ADRA1A: variants seen among roughly 807,000 people sequenced by gnomAD.
ADRA1A encodes the protein adrenoceptor alpha 1A, also known as alpha-1A adrenergic receptor.
In ADRA1A, 31 loss-of-function variants were observed where a neutral mutation model predicts 29.6. The observed-to-expected ratio is 1.05, with a 90% CI of 0.79 to 1.41. The LOEUF is 1.41. Ranked by LOEUF, ADRA1A falls within the 40% of genes most tolerant of loss-of-function variation. The pLI is 0.00. For synonymous variants in ADRA1A, 311 were observed against 254.3 expected (o/e 1.22, Z -2.12); for missense variants, 619 against 601.1 (o/e 1.03, Z -0.31).
chr8:26,766,247 G>T (rs1213567050), downstream of ADRA1A: 3 of 854,952 alleles, frequency 3.5e-6, no homozygotes, highest in Non-Finnish European at 5.8e-6. Context: ...CTTCCCAAAA[G>T]TGTTTCTATG....
rs1810341514 is a variant in ADRA1A, at chr8:26,823,636, C to T, written c.883+40451G>A. ...TTTGTGTCACCACCTATCTAAGTGG[C>T]ACCAGGAAGCCCACCTTCCTTTTTC... On this transcript the variant is annotated intron_variant, in intron 2 of 2. Coordinates refer to ENST00000380573, the MANE Select transcript of ADRA1A (RefSeq NM_000680.4). The surrounding 1 kb of genome is among the most constrained non-coding windows in gnomAD (Gnocchi z 4.2). Among the ~76,000 whole-genome samples, 1 of 152,138 alleles carries T rather than the reference C, an allele frequency of 6.6e-6. No homozygotes were observed.
At chr8:26,800,225 C>T (rs561198831) in intron 2 of ADRA1A, among the ~76,000 whole-genome samples, 1 of 152,134 alleles carries the variant, frequency 6.6e-6, no homozygotes, top group South Asian at 2.1e-4. Flanking sequence ...TGCCACTGCA[C>T]CCTAGCCTGG....
At chr8:26,819,976 G>T (rs1440850622) in intron 2 of ADRA1A, among the ~76,000 whole-genome samples, 1 of 152,010 alleles carries the variant, frequency 6.6e-6, no homozygotes, top group Admixed American at 6.6e-5. Flanking sequence ...AGACAAAATG[G>T]ACTTGAAGTA....
In ADRA1A at chr8:26,816,654, C is replaced by T. The variant is rs182781296; in HGVS notation, c.884-45988G>A. ...TGGCACCCAGACCAGAGCACCTGTGCGGTCACACAAACACTCGAGTGGACA... is the reference window on the plus strand; with the variant it reads ...TGGCACCCAGACCAGAGCACCTGTGTGGTCACACAAACACTCGAGTGGACA... On this transcript the variant is annotated intron_variant, in intron 2 of 2. Transcript: ENST00000380573. 2.8e-3 allele frequency among the ~76,000 whole-genome samples: 431 copies of T among 152,236 alleles called. 8 individuals carry two copies. Among genetic ancestry groups the T allele is most frequent in the Admixed American group, 0.024 (361 of 15,292 alleles).
At chr8:26,758,077 T>C (rs973005782) in intron 2 of ADRA1A, among the ~76,000 whole-genome samples, 11 of 152,184 alleles carry the variant, frequency 7.2e-5, no homozygotes, top group African/African-American at 2.7e-4. Flanking sequence ...GTTTGCCTGA[T>C]TTTTAAAAGC....
intron 2 of ADRA1A, among the ~76,000 whole-genome samples, chr8:26,830,104 C>T (rs1810866649): frequency 6.6e-6 from 1 of 152,174 alleles, no homozygotes; most frequent in African/African-American, 2.4e-5. Context: ...TCAGAACTGT[C>T]AATAACCCAG....
intron 2 of ADRA1A, among the ~76,000 whole-genome samples, chr8:26,790,341 G>A (rs1392463759): frequency 1.3e-5 from 2 of 152,130 alleles, no homozygotes; most frequent in Non-Finnish European, 2.9e-5. Context: ...TGTGTTAGGT[G>A]AAATAAGCCA....
At chr8:26,799,452 G>A (rs1253834344) in intron 2 of ADRA1A, among the ~76,000 whole-genome samples, 1 of 152,152 alleles carries the variant, frequency 6.6e-6, no homozygotes, top group African/African-American at 2.4e-5. Context: ...TCTGTGTGCT[G>A]GTTCTCAGTT....
At chr8:26,762,230 C>A (rs755531980), downstream of ADRA1A, among the ~76,000 whole-genome samples, 1 of 152,164 alleles carries the variant, frequency 6.6e-6, no homozygotes, top group East Asian at 1.9e-4. The surrounding 1 kb of genome is among the most constrained non-coding windows in gnomAD (Gnocchi z 4.0). Context: ...CTCTGACCAC[C>A]AGCTCTTTTC....
intron 2 of ADRA1A, among the ~76,000 whole-genome samples, chr8:26,809,380 G>A (rs61761843): frequency 4.4e-4 from 67 of 152,084 alleles, no homozygotes; most frequent in Non-Finnish European, 9.3e-4. Context: ...AACCACCGAG[G>A]CCCAAAAGAA....
At chr8:26,767,751 T>C (rs1805868871), downstream of ADRA1A, among the ~76,000 whole-genome samples, 1 of 152,152 alleles carries the variant, frequency 6.6e-6, no homozygotes, top group Non-Finnish European at 1.5e-5. Context: ...CATAATTTGT[T>C]GAAGAAAAAC....
In ADRA1A at chr8:26,769,506, T is replaced by A; in HGVS notation, c.*643A>T. ...ACACTACATTCCAAGACATCATGAG[T>A]GCCCCTCACTCTCATCTTTGGGAAA... On this transcript the variant is annotated 3_prime_UTR_variant, in exon 3 of 3. Coordinates refer to ENST00000380573, the MANE Select transcript of ADRA1A (RefSeq NM_000680.4). 1.0e-6 allele frequency: 1 copy of A among 985,412 alleles called. No homozygotes were observed. The highest frequency in any genetic ancestry group is 1.1e-4 in the East Asian group (1 of 8,812). 61.0% of individuals were successfully genotyped at this position (985,412 alleles called of 1,614,324 possible).
At chr8:26,861,968 C>T (rs1813506007) in intron 2 of ADRA1A, among the ~76,000 whole-genome samples, 1 of 152,146 alleles carries the variant, frequency 6.6e-6, no homozygotes. Context: ...TTCCCCCCAA[C>T]AACCAGAATG....
In ADRA1A at chr8:26,864,243, C is replaced by G; in HGVS notation, c.727G>C (p.Ala243Pro). The G allele has an allele frequency of 6.2e-7, 1 of 1,614,212 alleles. No homozygotes were observed. The highest frequency in any genetic ancestry group is 1.1e-5 in the South Asian group (1 of 91,086). The change falls in exon 2 of 3, where the codon GCA becomes CCA. Residue 243 changes from alanine to proline, a missense_variant. Transcript: ENST00000380573. This position sits in a 1 kb window ranked among gnomAD's most constrained non-coding sequence, Gnocchi z 8.1. ...GCGCTGGCCATCCCGCTGCCTCCTG[C>G]CGGGGCGTTTTTCCGATGGATGCGG... is the stretch of plus-strand genomic sequence containing the variant. ...TLRIHRKNAP[A>P]GGSGMASAKT...
chr8:26,762,841 A>C (rs966984533), downstream of ADRA1A, among the ~76,000 whole-genome samples: 3 of 152,182 alleles, frequency 2.0e-5, no homozygotes, highest in Admixed American at 6.5e-5. This position sits in a 1 kb window ranked among gnomAD's most constrained non-coding sequence, Gnocchi z 4.0. Context: ...CCTCGGCTGC[A>C]GGAACTGCAC....
intron 2 of ADRA1A, among the ~76,000 whole-genome samples, chr8:26,802,296 G>T (rs774252569): frequency 2.0e-5 from 3 of 152,192 alleles, no homozygotes; most frequent in Admixed American, 6.5e-5. Flanking sequence ...ACAATCCACA[G>T]AATGTGAGAA....
At chr8:26,814,256 T>C (rs1305281630) in intron 2 of ADRA1A, among the ~76,000 whole-genome samples, 1 of 152,160 alleles carries the variant, frequency 6.6e-6, no homozygotes, top group Non-Finnish European at 1.5e-5. Flanking sequence ...TTTATTTATG[T>C]TTCTAGAGAC....
intron 2 of ADRA1A, among the ~76,000 whole-genome samples, chr8:26,774,807 G>T (rs1012444078): frequency 1.3e-5 from 2 of 152,116 alleles, no homozygotes; most frequent in African/African-American, 4.8e-5. Flanking sequence ...CAGCTGCATG[G>T]CCCCAAACCC....
rs905670994 is a variant in ADRA1A at position 26,787,777 on chromosome 8, G to A, written c.884-17111C>T. On this transcript the variant is annotated intron_variant, in intron 2 of 2. Coordinates refer to ENST00000380573, the MANE Select transcript of ADRA1A (RefSeq NM_000680.4). The surrounding 1 kb of genome is among the most constrained non-coding windows in gnomAD (Gnocchi z 4.2). ...TCTGTGCCTCAGTTTCCTGGCACAC[G>A]TAAGTTCAGTGTCTGGCTGTAAGCA... Among the ~76,000 whole-genome samples the A allele has an allele frequency of 1.4e-4, 21 of 152,088 alleles. No individual in the cohort carries two copies. The highest frequency in any genetic ancestry group is 6.6e-5 in the Admixed American group (1 of 15,258).
Sources: gnomAD v4.1 joint callset for allele counts (sites outside exome capture counted in the v4.1 genomes callset) on GRCh38, gnomAD v4.1.1 for gene constraint, Gnocchi (gnomAD v3.1) non-coding constraint, MANE v1.5 for transcripts, NCBI Gene and HGNC (gene_info 2026-07-23, HGNC 2026-07-21) for gene names.